The following FAM53A variants were observed in gnomAD, a reference collection of about 807,000 sequenced individuals.
FAM53A encodes the protein family with sequence similarity 53 member A, also known as protein FAM53A.
Under a neutral mutation model 26.6 loss-of-function variants are expected in FAM53A, and 28 were observed. The ratio of observed to expected loss-of-function variants is 1.05; its 90% confidence interval spans 0.78 to 1.45. The LOEUF (loss-of-function observed/expected upper bound fraction) is 1.45, where lower values mean the gene tolerates loss of function less well. FAM53A is among the 40% of genes most tolerant of loss of function. The pLI is 0.00. For synonymous variants in FAM53A, 290 were observed against 253.1 expected (o/e 1.15, Z -1.38); for missense variants, 650 against 575.8 (o/e 1.13, Z -1.32).
Position 1,667,651 on chromosome 4 carries a change from C to T in FAM53A, c.75+1016G>A, listed in dbSNP as rs544061984. Among the ~76,000 whole-genome samples the T allele has an allele frequency of 9.8e-5, 15 of 152,288 alleles. No homozygotes were observed. The South Asian group carries it at 2.3e-3, about 23-fold the overall frequency. Reference sequence around the variant, plus strand: ...CCCCCTGCGGTGAAGATGGGTCACACGTGCCCAGTCCAAAGGCCCGAGACC... The same window carrying T: ...CCCCCTGCGGTGAAGATGGGTCACATGTGCCCAGTCCAAAGGCCCGAGACC... On this transcript the variant is annotated intron_variant, in intron 2 of 4. Transcript: ENST00000308132.
At chr4:1,632,977 C>T (rs548887244) in intron 1 of FAM53A, among the ~76,000 whole-genome samples, 28 of 152,224 alleles carry the variant, frequency 1.8e-4, no homozygotes, top group Admixed American at 8.5e-4. Context: ...GTGCACAGGG[C>T]GCACGCAGGC....
At chr4:1,680,582 T>C (rs1333342619) in intron 1 of FAM53A, among the ~76,000 whole-genome samples, 1 of 152,216 alleles carries the variant, frequency 6.6e-6, no homozygotes, top group Non-Finnish European at 1.5e-5. Context: ...CAAGATTTCC[T>C]GTAGGTGAGC....
intron 1 of FAM53A, among the ~76,000 whole-genome samples, chr4:1,632,281 G>C (rs1221478673): frequency 6.6e-6 from 1 of 151,982 alleles, no homozygotes; most frequent in African/African-American, 2.4e-5. Flanking sequence ...CTCATAGGAA[G>C]AGGAAGAAGA....
downstream of FAM53A, among the ~76,000 whole-genome samples, chr4:1,639,339 C>T (rs774368022): frequency 8.5e-4 from 129 of 152,326 alleles, no homozygotes; most frequent in Non-Finnish European, 1.5e-3. Context: ...CTAAACCACC[C>T]GGAGCTGATC....
chr4:1,682,089 G>C (rs530492376), intron 1 of FAM53A, among the ~76,000 whole-genome samples: 42 of 152,172 alleles, frequency 2.8e-4, no homozygotes, highest in African/African-American at 9.6e-4. Context: ...ACTTCATGAG[G>C]CTCCAAGGAA....
At chr4:1,589,389 A>G in the FAM53A span, among the ~76,000 whole-genome samples, 1 of 152,148 alleles carries the variant, frequency 6.6e-6, no homozygotes, top group Non-Finnish European at 1.5e-5. Context: ...TATTTTATTT[A>G]TAATTTTTTT....
intron 1 of FAM53A, among the ~76,000 whole-genome samples, chr4:1,622,441 C>A (rs555780802): frequency 6.6e-6 from 1 of 152,248 alleles, no homozygotes; most frequent in Admixed American, 6.5e-5. Flanking sequence ...CCTGGCCCCA[C>A]GGCCCCTCCC....
the FAM53A span, among the ~76,000 whole-genome samples, chr4:1,585,276 C>CTTTTTTTT: frequency 2.6e-5 from 2 of 75,964 alleles, no homozygotes; most frequent in Non-Finnish European, 2.7e-5. Context: ...CTCTCTCTCT[C>CTTTTTTTT]TTTTTTTTTT....
downstream of FAM53A, among the ~76,000 whole-genome samples, chr4:1,614,162 CAGG>C (rs1577076657): frequency 6.6e-6 from 1 of 152,178 alleles, no homozygotes; most frequent in Non-Finnish European, 1.5e-5. Flanking sequence ...CCGGCAAGGA[CAGG>C]AGGATTGGGG....
intron 1 of FAM53A, among the ~76,000 whole-genome samples, chr4:1,673,385 CAG>C (rs1714818760): frequency 6.6e-6 from 1 of 152,194 alleles, no homozygotes; most frequent in South Asian, 2.1e-4. Flanking sequence ...ACGCCCTCGA[CAG>C]AGAAACGATG....
downstream of FAM53A, among the ~76,000 whole-genome samples, chr4:1,635,444 T>C (rs1715796064): frequency 6.6e-6 from 1 of 152,130 alleles, no homozygotes; most frequent in South Asian, 2.1e-4. Flanking sequence ...CAACTAATTT[T>C]TTTATTTTTA....
At chr4:1,579,584 C>T in the FAM53A span, among the ~76,000 whole-genome samples, 1 of 152,160 alleles carries the variant, frequency 6.6e-6, no homozygotes, top group African/African-American at 2.4e-5. Flanking sequence ...GCGGATGGCC[C>T]GACCTCTCTG....
rs798726 is a variant in FAM53A at position 1,683,484 on chromosome 4, T to G, written c.-165+749A>C. On this transcript the variant is annotated intron_variant, in intron 1 of 4. Coordinates refer to ENST00000308132, the MANE Select transcript of FAM53A (RefSeq NM_001174070.3). ...GTGGAACAAGGAGTTCGATCTGTAA[T>G]GGACTGAACAAGCAACAGAGAAAAC... The G allele has an allele frequency of 2.0e-5, 3 of 152,204 alleles. No individual in the cohort carries two copies. In the East Asian group the frequency reaches 5.8e-4, roughly 29 times the overall value. The allele number at this position is 152,204 out of a possible 1,614,324, so 9.4% of individuals were successfully genotyped here.
At chr4:1,631,817 CAT>C (rs1230880130) in intron 1 of FAM53A, among the ~76,000 whole-genome samples, 1 of 152,158 alleles carries the variant, frequency 6.6e-6, no homozygotes, top group Admixed American at 6.5e-5. Flanking sequence ...ACGGGGGACA[CAT>C]GATATACAAG....
intron 4 of FAM53A, chr4:1,644,930 C>T (rs532704513): frequency 6.6e-6 from 1 of 152,578 alleles, no homozygotes; most frequent in South Asian, 2.1e-4. Context: ...TCTGTACCTG[C>T]CCCTTGCCAA....
intron 2 of FAM53A, among the ~76,000 whole-genome samples, chr4:1,664,932 C>T (rs534050429): frequency 3.9e-5 from 6 of 152,116 alleles, no homozygotes; most frequent in South Asian, 2.1e-4. Flanking sequence ...GAGCCAGGAT[C>T]GCACCACTGC....
chr4:1,607,482 A>C, the FAM53A span, among the ~76,000 whole-genome samples: 1 of 152,148 alleles, frequency 6.6e-6, no homozygotes, highest in Admixed American at 6.5e-5. Flanking sequence ...ACTCAGGAGC[A>C]AAGTGGCTCC....
Position 1,655,185 on chromosome 4 carries a change from T to A in FAM53A, c.675A>T (p.Ser225=), listed in dbSNP as rs766188750. Reference sequence around the variant, plus strand: ...TGCCCGCACCCGCGAGTCGCTCCTGTGAGAGGGACGGGCGGCGCCTCGTGG... The same window carrying A: ...TGCCCGCACCCGCGAGTCGCTCCTGAGAGAGGGACGGGCGGCGCCTCGTGG... ...LPSTRRRPSL[S]QERLAGAGTP... is the part of the protein sequence containing the mutation. Residue 225 remains serine, a synonymous_variant, in exon 4 of 5, where the codon TCA becomes TCT. Coordinates refer to ENST00000308132, the MANE Select transcript of FAM53A (RefSeq NM_001174070.3). 1 of 1,569,218 alleles carries A rather than the reference T, an allele frequency of 6.4e-7. No homozygotes were observed. The highest frequency in any genetic ancestry group is 1.2e-5 in the South Asian group (1 of 86,672).
chr4:1,633,159 T>C (rs1248487194), intron 1 of FAM53A, among the ~76,000 whole-genome samples: 2 of 152,042 alleles, frequency 1.3e-5, no homozygotes, highest in African/African-American at 4.8e-5. Context: ...CGTGCTCACA[T>C]GCATAGGTAC....
Sources: allele counts gnomAD v4.1 joint callset (sites outside exome capture counted in the v4.1 genomes callset), GRCh38; gene constraint gnomAD v4.1.1; transcripts MANE v1.5; gene names NCBI Gene and HGNC (gene_info 2026-07-23, HGNC 2026-07-21).